ARHGAP39: variants seen among roughly 807,000 people sequenced by gnomAD.
The protein encoded by ARHGAP39 is Rho GTPase activating protein 39.
A neutral mutation model predicts 106.9 loss-of-function variants in ARHGAP39; 44 were observed. The observed-to-expected ratio is 0.41, with a 90% CI of 0.32 to 0.53. The LOEUF (loss-of-function observed/expected upper bound fraction) is 0.53. Among genes scored for constraint, ARHGAP39 ranks in the 20% least tolerant of loss-of-function variants. The pLI, the probability that ARHGAP39 is intolerant of heterozygous loss-of-function variation, is 0.21. For missense variants in ARHGAP39, 1,496 were observed against 1,577.3 expected (o/e 0.95, Z 0.87); for synonymous variants, 768 against 693.2 (o/e 1.11, Z -1.69).
At position 144,647,561 on chromosome 8, in the gene ARHGAP39, A is replaced by G. The variant is rs1421556477; in HGVS notation, c.-82+38125T>C. Among the ~76,000 whole-genome samples, 1 of 152,268 alleles carries G rather than the reference A, an allele frequency of 6.6e-6. No individual in the cohort carries two copies. Among genetic ancestry groups the G allele is most frequent in the African/African-American group, 2.4e-5 (1 of 41,476 alleles). On this transcript the variant is annotated intron_variant, in intron 1 of 11. Transcript: ENST00000377307. This position sits in a 1 kb window ranked among gnomAD's most constrained non-coding sequence, Gnocchi z 4.8. ...ACTGCTGTCAGCCACGCCTGAACAG[A>G]GACTCTCATTCTTCCTGAGGAAATG... is the stretch of plus-strand genomic sequence containing the variant.
Position 144,530,937 on chromosome 8 carries a change from G to T in ARHGAP39, c.2981-66C>A, listed in dbSNP as rs566722002. ...GCACCCCTGGGCCAAATGGGGTCCCGTGGCGGACATGCATGGAGGGGTGCT... is the reference window on the plus strand; with the variant it reads ...GCACCCCTGGGCCAAATGGGGTCCCTTGGCGGACATGCATGGAGGGGTGCT... On this transcript the variant is annotated intron_variant, in intron 10 of 11. Coordinates refer to ENST00000377307, the MANE Select transcript of ARHGAP39 (RefSeq NM_025251.3). 3.9e-6 allele frequency: 6 copies of T among 1,540,454 alleles called. No homozygotes were observed. The East Asian group carries it at 1.4e-4, about 35-fold the overall frequency.
intron 1 of ARHGAP39, among the ~76,000 whole-genome samples, chr8:144,610,170 T>C (rs1421319853): frequency 6.6e-6 from 1 of 152,260 alleles, no homozygotes; most frequent in Non-Finnish European, 1.5e-5. Context: ...TCTGTAGCTA[T>C]GCCACATCTT....
chr8:144,558,540 G>T (rs1818028913), intron 3 of ARHGAP39, among the ~76,000 whole-genome samples: 1 of 151,900 alleles, frequency 6.6e-6, no homozygotes, highest in Admixed American at 6.6e-5. Flanking sequence ...TGATCCACCT[G>T]CCTTGGCCTC....
At chr8:144,686,983 TGACCACACACTGGCGGCGACCATTTCC>T (rs1822612845), upstream of ARHGAP39, among the ~76,000 whole-genome samples, 1 of 86,286 alleles carries the variant, frequency 1.2e-5, no homozygotes, top group Non-Finnish European at 2.1e-5. Context: ...CCCACCCCCG[TGACCACACACTGGCGGCGACCATTTCC>T]CACCCCCGTG....
At chr8:144,624,607 CCGGCGGCCCGG>C in intron 1 of ARHGAP39, among the ~76,000 whole-genome samples, 1 of 141,918 alleles carries the variant, frequency 7.0e-6, no homozygotes, top group Non-Finnish European at 1.6e-5. Flanking sequence ...AGCCCCTGTC[CCGGCGGCCCGG>C]TTCACGGAGC....
In ARHGAP39 at chr8:144,560,690, C is replaced by T. The variant is rs538411689; in HGVS notation, c.513-5047G>A. Among the ~76,000 whole-genome samples, 11 of 152,246 alleles carry T rather than the reference C, an allele frequency of 7.2e-5. No homozygotes were observed. The East Asian group carries it at 1.2e-3, about 16-fold the overall frequency. On this transcript the variant is annotated intron_variant, in intron 3 of 11. Coordinates refer to ENST00000377307, the MANE Select transcript of ARHGAP39 (RefSeq NM_025251.3). The stretch of plus-strand genomic sequence containing the variant: ...TCAATGTTATGCTCTCGAGGACCAG[C>T]GGTGCGCGGGTTACTCTGTTACTGA...
chr8:144,534,049 C>T lies in ARHGAP39; in HGVS notation c.2688+80G>A. ...TGCGCTGCTGCCCCATACCAAACTG[C>T]AGGCGGGGCTCCTGGGGCTGTCCAC... On this transcript the variant is annotated intron_variant, in intron 8 of 11. Transcript: ENST00000377307. 5.3e-6 allele frequency: 8 copies of T among 1,515,260 alleles called. No homozygotes were observed. In the South Asian group the frequency reaches 9.2e-5, roughly 18 times the overall value. 93.9% of individuals were successfully genotyped at this position (1,515,260 alleles called of 1,614,324 possible).
At chr8:144,533,097 A>G (rs1218863441) in intron 9 of ARHGAP39, 29 bp downstream of exon 9, 1 of 1,588,858 alleles carries the variant, frequency 6.3e-7, no homozygotes, top group Non-Finnish European at 8.5e-7. Flanking sequence ...TGTGGCCCCC[A>G]CACCCGGCGC....
At chr8:144,602,650 A>T (rs1334622659) in intron 2 of ARHGAP39, among the ~76,000 whole-genome samples, 1 of 86,896 alleles carries the variant, frequency 1.2e-5, no homozygotes, top group African/African-American at 4.4e-5. Context: ...GTGCTCGTGT[A>T]CCTGTGTGCA....
At chr8:144,570,624 G>A (rs1818553980) in intron 3 of ARHGAP39, among the ~76,000 whole-genome samples, 1 of 152,160 alleles carries the variant, frequency 6.6e-6, no homozygotes. Context: ...AGATTTTAAA[G>A]GAGAAATGAA....
the ARHGAP39 span, among the ~76,000 whole-genome samples, chr8:144,694,960 G>C: frequency 1.3e-5 from 2 of 151,930 alleles, no homozygotes; most frequent in African/African-American, 4.8e-5. Context: ...TGAGTGAGAA[G>C]TGATTGTTCA....
chr8:144,612,132 G>A lies in ARHGAP39; in HGVS notation c.-81-6437C>T, dbSNP rs138834874. On this transcript the variant is annotated intron_variant, in intron 1 of 11. Transcript: ENST00000377307. ...AGGGCAACAGAGTGAAGTGAGCCAC[G>A]GCTGCGCCGCTGCACTCCAGCCAGG... Among the ~76,000 whole-genome samples the A allele has an allele frequency of 3.0e-3, 454 of 152,184 alleles. 2 individuals are homozygous for A. Among genetic ancestry groups the A allele is most frequent in the African/African-American group, 5.1e-3 (211 of 41,528 alleles).
At chr8:144,621,031 G>T (rs1820795228) in intron 1 of ARHGAP39, among the ~76,000 whole-genome samples, 1 of 152,276 alleles carries the variant, frequency 6.6e-6, no homozygotes, top group Admixed American at 6.5e-5. Flanking sequence ...GGTTGGAGGG[G>T]GCCAGACTCA....
chr8:144,674,845 C>T (rs988187592), intron 1 of ARHGAP39, among the ~76,000 whole-genome samples: 4 of 152,224 alleles, frequency 2.6e-5, no homozygotes, highest in Non-Finnish European at 5.9e-5. Context: ...TGCATGTACA[C>T]CTGGCCAGGT....
chr8:144,697,470 A>AT, the ARHGAP39 span, among the ~76,000 whole-genome samples: 1 of 152,028 alleles, frequency 6.6e-6, no homozygotes, highest in South Asian at 2.1e-4. Flanking sequence ...CTAGAATTGT[A>AT]TTCAATGTTA....
In ARHGAP39 at chr8:144,548,022, G is replaced by C; in HGVS notation, c.1064C>G (p.Pro355Arg). 1.0e-5 allele frequency: 16 copies of C among 1,607,962 alleles called. No homozygotes were observed. The highest frequency in any genetic ancestry group is 1.3e-5 in the Non-Finnish European group (15 of 1,178,210). ...GCCCTGCTTGTTGGGCTGGAGGAAC[G>C]GCCGGGGCTTACGGCCCGGCGACCG... ...PQRSPGRKPR[P>R]FLQPNKQGPP... The change falls in exon 5 of 12, where the codon CCG becomes CGG. Residue 355 changes from proline (P) to arginine (R), a missense_variant. Pro to Arg is a moderately radical substitution (Grantham distance 103). Around this residue, in one of 4 missense-constraint regions of ARHGAP39, gnomAD observed 905 missense variants for 816.4 expected, o/e 1.11. Coordinates refer to ENST00000377307, the MANE Select transcript of ARHGAP39 (RefSeq NM_025251.3). This position sits in a 1 kb window ranked among gnomAD's most constrained non-coding sequence, Gnocchi z 7.4.
At chr8:144,539,542 A>G (rs1287260275) in intron 6 of ARHGAP39, among the ~76,000 whole-genome samples, 1 of 152,150 alleles carries the variant, frequency 6.6e-6, no homozygotes, top group Non-Finnish European at 1.5e-5. Flanking sequence ...TTTAGGTTTT[A>G]TATCTTGGTT....
At chr8:144,656,561 G>C (rs1821703388) in intron 1 of ARHGAP39, among the ~76,000 whole-genome samples, 1 of 152,232 alleles carries the variant, frequency 6.6e-6, no homozygotes, top group East Asian at 1.9e-4. Context: ...CTAGCACTCT[G>C]GGAGGCTGTG....
intron 1 of ARHGAP39, among the ~76,000 whole-genome samples, chr8:144,663,490 TC>T (rs1468547464): frequency 6.6e-6 from 1 of 152,078 alleles, no homozygotes; most frequent in Non-Finnish European, 1.5e-5. Flanking sequence ...ACCCCATGTC[TC>T]CAACGCCTCT....
Sources: gnomAD v4.1 joint callset for allele counts (sites outside exome capture counted in the v4.1 genomes callset) on GRCh38, gnomAD v4.1.1 for gene constraint, gnomAD v4.1.1 regional missense constraint, Gnocchi (gnomAD v3.1) non-coding constraint, MANE v1.5 for transcripts, NCBI Gene and HGNC (gene_info 2026-07-23, HGNC 2026-07-21) for gene names.